Variants in OR4K15 observed in about 807,000 individuals in gnomAD.
The protein encoded by OR4K15 is olfactory receptor 4K15.
For synonymous variants in OR4K15, 144 were observed against 145.6 expected, an observed-to-expected ratio of 0.99 and a Z score of 0.08; for missense variants, 392 against 390.2, an observed-to-expected ratio of 1.00 and a Z score of -0.04.
rs2153466 is a variant in OR4K15, at chr14:19,976,429, T to C, written c.839T>C (p.Leu280Pro). 0.29 allele frequency: 471,919 copies of C among 1,611,370 alleles called. 77,694 individuals carry two copies. The highest frequency in any genetic ancestry group is 0.7 in the African/African-American group (52,735 of 74,884). The change falls in exon 1 of 1, where the codon CTT (leucine) becomes CCT (proline). Residue 280 changes from leucine (L) to proline (P), a missense_variant. Transcript: ENST00000305051. ...GCTGTATTCTACACCATCTTCACGC[T>C]TATTTTAAACCCTGTAATCTACACG... Reference protein sequence around the residue: ...VLAVFYTIFTLILNPVIYTLR... With the variant: ...VLAVFYTIFTPILNPVIYTLR...
At position 19,976,241 on chromosome 14, in the gene OR4K15, C is replaced by T; in HGVS notation, c.651C>T (p.Ser217=). The part of the protein sequence containing the change: ...SLSSFLLLVV[S]YTVILVTVRN... The stretch of plus-strand genomic sequence containing the variant: ...GTTCCTTTCTCCTCTTGGTTGTCTC[C>T]TACACTGTAATACTTGTTACAGTTA... The change falls in exon 1 of 1, where the codon TCC becomes TCT. Residue 217 remains serine, a synonymous_variant. Transcript: ENST00000305051. 6.2e-7 allele frequency: 1 copy of T among 1,613,608 alleles called. No individual in the cohort carries two copies. Among genetic ancestry groups the T allele is most frequent in the Non-Finnish European group, 8.5e-7 (1 of 1,179,664 alleles).
At position 19,975,726 on chromosome 14, in the gene OR4K15, A is replaced by G. The variant is rs774629773; in HGVS notation, c.136A>G (p.Ile46Val). ...AATTCTGTTGGGCAACTTTCTCATCATCCTCACTGTGACCTCAGATTCCCG... is the reference window on the plus strand; with the variant it reads ...AATTCTGTTGGGCAACTTTCTCATCGTCCTCACTGTGACCTCAGATTCCCG... ...LAILLGNFLI[I>V]LTVTSDSRLH... Residue 46 changes from isoleucine to valine, a missense_variant, in exon 1 of 1, where the codon ATC becomes GTC. By Grantham distance (29) the Ile-to-Val change is conservative. Coordinates refer to ENST00000305051, the MANE Select transcript of OR4K15 (RefSeq NM_001005486.2). The G allele has an allele frequency of 6.2e-7, 1 of 1,613,382 alleles. No individual in the cohort carries two copies. The highest frequency in any genetic ancestry group is 8.5e-7 in the Non-Finnish European group (1 of 1,179,626).
In OR4K15 at chr14:19,975,662, A is replaced by T; in HGVS notation, c.72A>T (p.Gln24His). Reference protein sequence around the residue: ...LLGLSSSRELQPFLFLTFSLL... With the variant: ...LLGLSSSRELHPFLFLTFSLL... ...GACTGTCTAGTTCAAGGGAGCTCCA[A>T]CCTTTCTTGTTTCTTACATTTTCAC... Residue 24 changes from glutamine (Q) to histidine (H), a missense_variant, in exon 1 of 1, where the codon CAA (glutamine) becomes CAT (histidine). Coordinates refer to ENST00000305051, the MANE Select transcript of OR4K15 (RefSeq NM_001005486.2). The T allele has an allele frequency of 1.9e-6, 3 of 1,613,308 alleles. No homozygotes were observed. Among genetic ancestry groups the T allele is most frequent in the Non-Finnish European group, 8.5e-7 (1 of 1,179,528 alleles).
In OR4K15 at chr14:19,976,460, A is replaced by G; in HGVS notation, c.870A>G (p.Arg290=). 2 of 1,613,658 alleles carry G rather than the reference A, an allele frequency of 1.2e-6. No individual in the cohort carries two copies. Among genetic ancestry groups the G allele is most frequent in the South Asian group, 2.2e-5 (2 of 91,072 alleles). The change falls in exon 1 of 1, where the codon AGA becomes AGG. Residue 290 remains arginine (R), a synonymous_variant. Transcript: ENST00000305051. ...TAAACCCTGTAATCTACACGCTAAG[A>G]AACAAAGAAGTGAAGGCAGCTATGT... ...LILNPVIYTL[R]NKEVKAAMSK... is the part of the protein sequence containing the mutation.
Position 19,975,896 on chromosome 14 carries a change from C to A in OR4K15, c.306C>A (p.Phe102Leu). The A allele has an allele frequency of 6.2e-7, 1 of 1,613,718 alleles. No homozygotes were observed. Among genetic ancestry groups the A allele is most frequent in the South Asian group, 1.1e-5 (1 of 91,072 alleles). The change falls in exon 1 of 1, where the codon TTC (phenylalanine) becomes TTA (leucine). Residue 102 changes from phenylalanine to leucine, a missense_variant. Transcript: ENST00000305051. ...TTGATGCCTGCCTGGCCCAGATTTT[C>A]TTTGTTCATCTCTTCACTGGCAGTG... ...ISFDACLAQI[F>L]FVHLFTGSEM...
In OR4K15 at chr14:19,976,449, T is replaced by C. The variant is rs1883034004; in HGVS notation, c.859T>C (p.Tyr287His). The C allele has an allele frequency of 6.2e-7, 1 of 1,613,648 alleles. No individual in the cohort carries two copies. The stretch of plus-strand genomic sequence containing the variant: ...CACGCTTATTTTAAACCCTGTAATC[T>C]ACACGCTAAGAAACAAAGAAGTGAA... ...IFTLILNPVI[Y>H]TLRNKEVKAA... is the part of the protein sequence containing the mutation. The change falls in exon 1 of 1, where the codon TAC becomes CAC. Residue 287 changes from tyrosine (Y) to histidine (H), a missense_variant. Transcript: ENST00000305051.
chr14:19,975,673 T>C lies in OR4K15; in HGVS notation c.83T>C (p.Phe28Ser). The C allele has an allele frequency of 6.2e-7, 1 of 1,613,490 alleles. No homozygotes were observed. Among genetic ancestry groups the C allele is most frequent in the East Asian group, 2.2e-5 (1 of 44,850 alleles). The change falls in exon 1 of 1, where the codon TTT (phenylalanine) becomes TCT (serine). Residue 28 changes from phenylalanine (F) to serine (S), a missense_variant. By Grantham distance (155) the Phe-to-Ser change is radical (BLOSUM62 -2). Transcript: ENST00000305051. ...TCAAGGGAGCTCCAACCTTTCTTGTTTCTTACATTTTCACTACTTTATCTA... is the reference window on the plus strand; with the variant it reads ...TCAAGGGAGCTCCAACCTTTCTTGTCTCTTACATTTTCACTACTTTATCTA... Reference protein sequence around the residue: ...SSSRELQPFLFLTFSLLYLAI... With the variant: ...SSSRELQPFLSLTFSLLYLAI...
In OR4K15 at chr14:19,976,080, G is replaced by A. The variant is rs1448793474; in HGVS notation, c.490G>A (p.Val164Ile). The A allele has an allele frequency of 6.2e-7, 1 of 1,613,744 alleles. No individual in the cohort carries two copies. Among genetic ancestry groups the A allele is most frequent in the Non-Finnish European group, 8.5e-7 (1 of 1,179,852 alleles). ...IHTTSQLAFT[V>I]NLPFCGPNKV... ...TACTACCAGCCAGTTGGCATTCACT[G>A]TTAATCTGCCATTTTGTGGTCCTAA... The change falls in exon 1 of 1, where the codon GTT (valine) becomes ATT (isoleucine). Residue 164 changes from valine (V) to isoleucine (I), a missense_variant. Val to Ile is a conservative substitution (Grantham distance 29, BLOSUM62 3). Coordinates refer to ENST00000305051, the MANE Select transcript of OR4K15 (RefSeq NM_001005486.2).
Position 19,975,979 on chromosome 14 carries a change from T to G in OR4K15, c.389T>G (p.Leu130Arg). ...CGTTATGTTGCTATATGCAAACCTC[T>G]CCACTACATGACAGTCATGAGCCGT... ...YDRYVAICKP[L>R]HYMTVMSRRV... is the part of the protein sequence containing the mutation. The change falls in exon 1 of 1, where the codon CTC becomes CGC. Residue 130 changes from leucine (L) to arginine (R), a missense_variant. Coordinates refer to ENST00000305051, the MANE Select transcript of OR4K15 (RefSeq NM_001005486.2). The G allele has an allele frequency of 6.2e-7, 1 of 1,613,826 alleles. No homozygotes were observed. Among genetic ancestry groups the G allele is most frequent in the South Asian group, 1.1e-5 (1 of 91,082 alleles).
rs772746304 is a variant in OR4K15, at chr14:19,976,205, T to C, written c.615T>C (p.Phe205=). 3 of 1,613,594 alleles carry C rather than the reference T, an allele frequency of 1.9e-6. No individual in the cohort carries two copies. In the Admixed American group the frequency reaches 5.0e-5, roughly 27 times the overall value. The change falls in exon 1 of 1, where the codon TTT becomes TTC. Residue 205 remains phenylalanine, a synonymous_variant. Coordinates refer to ENST00000305051, the MANE Select transcript of OR4K15 (RefSeq NM_001005486.2). ...TACTAATAGTTGCAGATAGTGGCTT[T>C]CTTTCTCTGAGTTCCTTTCTCCTCT... The part of the protein sequence containing the change: ...VSLLIVADSG[F]LSLSSFLLLV...
At position 19,976,188 on chromosome 14, in the gene OR4K15, G is replaced by C. The variant is rs141050996; in HGVS notation, c.598G>C (p.Val200Leu). The C allele has an allele frequency of 1.5e-4, 249 of 1,613,710 alleles. No individual in the cohort carries two copies. In the African/African-American group the frequency reaches 2.5e-3, roughly 16 times the overall value. The change falls in exon 1 of 1, where the codon GTT becomes CTT. Residue 200 changes from valine (V) to leucine (L), a missense_variant. Coordinates refer to ENST00000305051, the MANE Select transcript of OR4K15 (RefSeq NM_001005486.2). ...IDTYVVSLLI[V>L]ADSGFLSLSS... ...CACTTATGTTGTCAGCTTACTAATA[G>C]TTGCAGATAGTGGCTTTCTTTCTCT...
rs1190991209 is a variant in OR4K15, at chr14:19,976,400, C to T, written c.810C>T (p.Val270=). 5.0e-6 allele frequency: 8 copies of T among 1,613,728 alleles called. No individual in the cohort carries two copies. In the Admixed American group the frequency reaches 6.7e-5, roughly 13 times the overall value. Residue 270 remains valine, a synonymous_variant, in exon 1 of 1, where the codon GTC becomes GTT. Transcript: ENST00000305051. ...TCAGCAGTTACTCAGTTGACAAAGT[C>T]CTTGCTGTATTCTACACCATCTTCA... ...WPFSSYSVDK[V]LAVFYTIFTL...
In OR4K15 at chr14:19,976,273, G is replaced by C; in HGVS notation, c.683G>C (p.Arg228Pro). The C allele has an allele frequency of 1.2e-6, 2 of 1,613,624 alleles. No homozygotes were observed. Among genetic ancestry groups the C allele is most frequent in the Non-Finnish European group, 1.7e-6 (2 of 1,179,688 alleles). ...GTAATACTTGTTACAGTTAGGAATC[G>C]CTCCTCTGCAAGCATGGCGAAGGCC... is the stretch of plus-strand genomic sequence containing the variant. ...YTVILVTVRN[R>P]SSASMAKARS... The change falls in exon 1 of 1, where the codon CGC becomes CCC. Residue 228 changes from arginine to proline, a missense_variant. Physicochemically the swap from Arg to Pro is moderately radical, Grantham distance 103. Coordinates refer to ENST00000305051, the MANE Select transcript of OR4K15 (RefSeq NM_001005486.2).
chr14:19,975,853 A>G lies in OR4K15; in HGVS notation c.263A>G (p.Glu88Gly). The G allele has an allele frequency of 6.2e-7, 1 of 1,613,192 alleles. No individual in the cohort carries two copies. The highest frequency in any genetic ancestry group is 8.5e-7 in the Non-Finnish European group (1 of 1,179,664). Residue 88 changes from glutamate (E) to glycine (G), a missense_variant, in exon 1 of 1, where the codon GAG (glutamate) becomes GGG (glycine). Glu to Gly is a moderately conservative substitution (Grantham distance 98). Transcript: ENST00000305051. The stretch of plus-strand genomic sequence containing the variant: ...AAAATGATTGCAGACTTTCTGGTTG[A>G]GCGCAAGACTATTTCTTTTGATGCC... ...TPKMIADFLVERKTISFDACL... is the reference protein window; with the variant it reads ...TPKMIADFLVGRKTISFDACL...
chr14:19,976,175 C>T lies in OR4K15; in HGVS notation c.585C>T (p.Val195=). ...TKLACIDTYV[V]SLLIVADSGF... is the part of the protein sequence containing the mutation. Reference sequence around the variant, plus strand: ...TAGCCTGCATAGACACTTATGTTGTCAGCTTACTAATAGTTGCAGATAGTG... The same window carrying T: ...TAGCCTGCATAGACACTTATGTTGTTAGCTTACTAATAGTTGCAGATAGTG... Residue 195 remains valine (V), a synonymous_variant, in exon 1 of 1, where the codon GTC becomes GTT. Transcript: ENST00000305051. The T allele has an allele frequency of 6.2e-7, 1 of 1,613,782 alleles. No individual in the cohort carries two copies.
Position 19,975,845 on chromosome 14 carries a change from T to C in OR4K15, c.255T>C (p.Phe85=). 6.2e-7 allele frequency: 1 copy of C among 1,613,624 alleles called. No homozygotes were observed. Among genetic ancestry groups the C allele is most frequent in the Non-Finnish European group, 8.5e-7 (1 of 1,179,746 alleles). ...SFATPKMIAD[F]LVERKTISFD... is the part of the protein sequence containing the mutation. The stretch of plus-strand genomic sequence containing the variant: ...CTACCCCTAAAATGATTGCAGACTT[T>C]CTGGTTGAGCGCAAGACTATTTCTT... Residue 85 remains phenylalanine (F), a synonymous_variant, in exon 1 of 1, where the codon TTT becomes TTC. Coordinates refer to ENST00000305051, the MANE Select transcript of OR4K15 (RefSeq NM_001005486.2).
Position 19,976,052 on chromosome 14 carries a change from C to G in OR4K15, c.462C>G (p.Ile154Met). Residue 154 changes from isoleucine to methionine, a missense_variant, in exon 1 of 1, where the codon ATC becomes ATG. Transcript: ENST00000305051. The stretch of plus-strand genomic sequence containing the variant: ...TCATTTCATGGTTTGTGGGCTTCAT[C>G]CATACTACCAGCCAGTTGGCATTCA... ...LVLISWFVGF[I>M]HTTSQLAFTV... 3 of 1,613,798 alleles carry G rather than the reference C, an allele frequency of 1.9e-6. No individual in the cohort carries two copies. The South Asian group carries it at 3.3e-5, about 18-fold the overall frequency.
chr14:19,975,609 T>C lies in OR4K15; in HGVS notation c.19T>C (p.Ser7Pro). 1 of 1,613,280 alleles carries C rather than the reference T, an allele frequency of 6.2e-7. No homozygotes were observed. The highest frequency in any genetic ancestry group is 8.5e-7 in the Non-Finnish European group (1 of 1,179,472). ...AAAATCGATGAATGAGACAAATCATTCTCGGGTGACAGAATTTGTGTTGCT... is the reference window on the plus strand; with the variant it reads ...AAAATCGATGAATGAGACAAATCATCCTCGGGTGACAGAATTTGTGTTGCT... The part of the protein sequence containing the change: MNETNH[S>P]RVTEFVLLGL... The change falls in exon 1 of 1, where the codon TCT (serine) becomes CCT (proline). Residue 7 changes from serine (S) to proline (P), a missense_variant. Transcript: ENST00000305051.
rs1883037356 is a variant in OR4K15, at chr14:19,976,540, ATG to A, written c.952_953del (p.Val318SerfsTer?). ...AGTCAGGTTTCTGTAGTCATAAGAAATGTTCTTTTCCTAGAAACAAAGTAAAC... is the reference window on the plus strand; with the variant it reads ...AGTCAGGTTTCTGTAGTCATAAGAAATTCTTTTCCTAGAAACAAAGTAAAC... On this transcript the variant is annotated frameshift_variant, in exon 1 of 1. Transcript: ENST00000305051. LOFTEE classifies it high-confidence loss of function. 1 of 1,607,672 alleles carries A rather than the reference ATG, an allele frequency of 6.2e-7. No homozygotes were observed. The highest frequency in any genetic ancestry group is 8.5e-7 in the Non-Finnish European group (1 of 1,177,258).
Sources: allele counts gnomAD v4.1 joint callset, GRCh38; gene constraint gnomAD v4.1.1; transcripts MANE v1.5; gene names NCBI Gene and HGNC (gene_info 2026-07-23, HGNC 2026-07-21).